The following RAPGEF5 variants were observed in gnomAD, a reference collection of about 807,000 sequenced individuals.
The protein encoded by RAPGEF5 is M-Ras-regulated GEF.
Under a neutral mutation model 125.2 loss-of-function variants are expected in RAPGEF5, and 65 were observed. The observed-to-expected ratio is 0.52, with a 90% CI of 0.43 to 0.64. The LOEUF (loss-of-function observed/expected upper bound fraction) is 0.64, where lower values mean the gene tolerates loss of function less well. RAPGEF5 is among the 30% of genes least tolerant of loss of function. RAPGEF5 has a pLI of 0.00. For missense variants in RAPGEF5, 958 were observed against 1,048.1 expected (o/e 0.91, Z 1.19); for synonymous variants, 391 against 385.9 (o/e 1.01, Z -0.16).
chr7:22,186,833 C>T (rs1784839755), intron 11 of RAPGEF5, among the ~76,000 whole-genome samples: 1 of 152,146 alleles, frequency 6.6e-6, no homozygotes, highest in African/African-American at 2.4e-5. Context: ...AAAATTGCTG[C>T]TTTTCTCCTG....
chr7:22,240,985 C>G (rs1235729032), intron 7 of RAPGEF5, among the ~76,000 whole-genome samples: 5 of 152,158 alleles, frequency 3.3e-5, no homozygotes, highest in African/African-American at 1.2e-4. Flanking sequence ...AAGCATGTGC[C>G]ATTAGCTCCA....
chr7:22,335,306 A>G (rs969964187), intron 1 of RAPGEF5, among the ~76,000 whole-genome samples: 5 of 152,228 alleles, frequency 3.3e-5, no homozygotes, highest in Non-Finnish European at 7.3e-5. Context: ...ACAAACAGCT[A>G]TCAGTATCTT....
chr7:22,138,099 G>A (rs1562709956), intron 21 of RAPGEF5, among the ~76,000 whole-genome samples: 1 of 151,890 alleles, frequency 6.6e-6, no homozygotes, highest in Non-Finnish European at 1.5e-5. Context: ...ACAAAATGGA[G>A]ATATTTGCAA....
Position 22,241,377 on chromosome 7 carries a change from C to A in RAPGEF5, c.797-10458G>T, listed in dbSNP as rs190576127. 5.3e-3 allele frequency among the ~76,000 whole-genome samples: 812 copies of A among 151,948 alleles called. 9 individuals are homozygous for A. The highest frequency in any genetic ancestry group is 7.5e-3 in the Non-Finnish European group (510 of 67,966). ...TGTTTGCAAATACAAGCAGTGACAC[C>A]AAATGAGCCACTAAATAAATAGAGG... On this transcript the variant is annotated intron_variant, in intron 7 of 25. Transcript: ENST00000665637.
chr7:22,284,733 G>T (rs754731559), intron 6 of RAPGEF5, among the ~76,000 whole-genome samples: 23 of 152,162 alleles, frequency 1.5e-4, no homozygotes, highest in Non-Finnish European at 2.8e-4. Context: ...GTCTGATCAG[G>T]CTGCGATAGT....
intron 11 of RAPGEF5, among the ~76,000 whole-genome samples, chr7:22,190,618 C>T (rs1323574832): frequency 6.6e-6 from 1 of 152,172 alleles, no homozygotes; most frequent in African/African-American, 2.4e-5. Context: ...ATGGAGTAAA[C>T]GTTATCTATT....
chr7:22,356,023 C>T (rs1412742437), intron 1 of RAPGEF5: 24 of 985,450 alleles, frequency 2.4e-5, no homozygotes, highest in Non-Finnish European at 2.9e-5. Context: ...CTGAGTAAGT[C>T]AGCTCTGTGT....
At position 22,347,504 on chromosome 7, in the gene RAPGEF5, C is replaced by T. The variant is rs139423182; in HGVS notation, c.231+9326G>A. 3.2e-3 allele frequency among the ~76,000 whole-genome samples: 486 copies of T among 152,090 alleles called. 3 individuals carry two copies. The highest frequency in any genetic ancestry group is 0.011 in the African/African-American group (458 of 41,476). On this transcript the variant is annotated intron_variant, in intron 1 of 25. Coordinates refer to ENST00000665637, the MANE Select transcript of RAPGEF5 (RefSeq NM_012294.5). ...TTTATAGGGAGCAAAACAGTAAGTA[C>T]TTCTTCAAATGATCACAGCAACCGT...
intron 14 of RAPGEF5, among the ~76,000 whole-genome samples, chr7:22,158,193 G>C (rs1020349356): frequency 1.3e-5 from 2 of 149,280 alleles, no homozygotes; most frequent in Non-Finnish European, 3.0e-5. Flanking sequence ...CCACAGAAAT[G>C]AGGATTTTTT....
At chr7:22,219,027 C>G (rs1785711629) in intron 9 of RAPGEF5, among the ~76,000 whole-genome samples, 1 of 152,116 alleles carries the variant, frequency 6.6e-6, no homozygotes, top group Non-Finnish European at 1.5e-5. Flanking sequence ...GCAATGTTTT[C>G]CCCCTTGGAA....
chr7:22,322,765 AC>A (rs1783741505), intron 1 of RAPGEF5, among the ~76,000 whole-genome samples: 1 of 152,216 alleles, frequency 6.6e-6, no homozygotes, highest in African/African-American at 2.4e-5. Flanking sequence ...TAAAACAGGT[AC>A]TAAGGACCCA....
At chr7:22,152,346 C>T (rs1374642777) in intron 17 of RAPGEF5, among the ~76,000 whole-genome samples, 2 of 152,114 alleles carry the variant, frequency 1.3e-5, no homozygotes, top group Non-Finnish European at 2.9e-5. Context: ...TTCTTGCAGC[C>T]CTTTCTGTGC....
intron 7 of RAPGEF5, among the ~76,000 whole-genome samples, chr7:22,247,591 T>C (rs1352868238): frequency 1.3e-5 from 2 of 152,108 alleles, no homozygotes; most frequent in Non-Finnish European, 2.9e-5. Flanking sequence ...TCCCCATTCA[T>C]GTGGAACTGT....
At chr7:22,151,146 T>A (rs1030491817) in intron 17 of RAPGEF5, among the ~76,000 whole-genome samples, 11 of 152,206 alleles carry the variant, frequency 7.2e-5, no homozygotes, top group Non-Finnish European at 1.3e-4. Context: ...GATGGCATGA[T>A]GTGTGCTAAG....
chr7:22,247,571 TTGTGAGGCCTCCCCATTCATGTGGAAC>T (rs1307892814), intron 7 of RAPGEF5, among the ~76,000 whole-genome samples: 1 of 152,172 alleles, frequency 6.6e-6, no homozygotes, highest in Non-Finnish European at 1.5e-5. Context: ...TCTGCCATGA[TTGTGAGGCCTCCCCATTCATGTGGAAC>T]TGTGAGTCCT....
At chr7:22,277,772 G>A (rs1782591456) in intron 6 of RAPGEF5, among the ~76,000 whole-genome samples, 1 of 152,140 alleles carries the variant, frequency 6.6e-6, no homozygotes, top group Non-Finnish European at 1.5e-5. Flanking sequence ...CTTAGGCTTA[G>A]AATTTCTTTC....
In RAPGEF5 at chr7:22,307,069, T is replaced by A. The variant is rs148483895; in HGVS notation, c.680+1270A>T. Among the ~76,000 whole-genome samples the A allele has an allele frequency of 4.3e-4, 65 of 152,322 alleles. No homozygotes were observed. The East Asian group carries it at 0.011, about 25-fold the overall frequency. ...TGGTTTCATATAAATTTTAGGATTG[T>A]TTTTTCTATTTCTGGGAAGAATGTC... On this transcript the variant is annotated intron_variant, in intron 5 of 25. Transcript: ENST00000665637.
At chr7:22,245,116 T>C (rs940333416) in intron 7 of RAPGEF5, among the ~76,000 whole-genome samples, 4 of 152,240 alleles carry the variant, frequency 2.6e-5, no homozygotes, top group Non-Finnish European at 4.4e-5. Flanking sequence ...TATTTGTATA[T>C]CTTTGACAAA....
At chr7:22,129,953 C>G (rs745441447) in intron 24 of RAPGEF5, among the ~76,000 whole-genome samples, 1 of 152,120 alleles carries the variant, frequency 6.6e-6, no homozygotes, top group Non-Finnish European at 1.5e-5. Context: ...ACTTCTGAGG[C>G]AAAGGTCAGG....
Sources: gnomAD v4.1 joint callset for allele counts (sites outside exome capture counted in the v4.1 genomes callset) on GRCh38, gnomAD v4.1.1 for gene constraint, MANE v1.5 for transcripts, NCBI Gene and HGNC (gene_info 2026-07-23, HGNC 2026-07-21) for gene names.